The following CFD variants were observed in gnomAD, a reference collection of about 807,000 sequenced individuals.
CFD encodes complement factor D.
In CFD, 24 loss-of-function variants were observed where a neutral mutation model predicts 21.1. The observed-to-expected ratio is 1.14, with a 90% confidence interval of 0.82 to 1.60. The LOEUF is 1.60. CFD is among the 40% of genes most tolerant of loss of function. The pLI, the probability that CFD is intolerant of heterozygous loss-of-function variation, is 0.00. For synonymous variants in CFD, 242 were observed against 175.9 expected, an observed-to-expected ratio of 1.38 and a Z score of -2.97; for missense variants, 535 against 383.3, an observed-to-expected ratio of 1.40 and a Z score of -3.31.
Position 861,021 on chromosome 19 carries a change from C to A in CFD, c.357+16C>A, listed in dbSNP as rs116135466. 5.7e-3 allele frequency: 9,095 copies of A among 1,595,518 alleles called. 434 individuals carry two copies. The African/African-American group carries it at 0.096, about 17-fold the overall frequency. On this transcript the variant is annotated intron_variant, in intron 3 of 4. Transcript: ENST00000327726. ...GCTGCTACAGGTCGGCCCCGTGTAG[C>A]GCAGTCCCTCCTGCGGCGCTGGGAT...
At position 861,968 on chromosome 19, in the gene CFD, G is replaced by A; in HGVS notation, c.615+12G>A. 6.5e-7 allele frequency: 1 copy of A among 1,538,104 alleles called. No individual in the cohort carries two copies. Among genetic ancestry groups the A allele is most frequent in the Non-Finnish European group, 8.7e-7 (1 of 1,148,620 alleles). On this transcript the variant is annotated intron_variant, in intron 4 of 4. Coordinates refer to ENST00000327726, the MANE Select transcript of CFD (RefSeq NM_001928.4). Reference sequence around the variant, plus strand: ...GGGACAGCTGCAAGGTGAGCCTTCAGGCCTGGGAGGAGACGCGGGGCCTGC... The same window carrying A: ...GGGACAGCTGCAAGGTGAGCCTTCAAGCCTGGGAGGAGACGCGGGGCCTGC...
Position 861,009 on chromosome 19 carries a change from G to C in CFD, c.357+4G>C, listed in dbSNP as rs1394311747. 25 of 1,597,302 alleles carry C rather than the reference G, an allele frequency of 1.6e-5. No homozygotes were observed. Among genetic ancestry groups the C allele is most frequent in the Non-Finnish European group, 2.1e-5 (25 of 1,179,230 alleles). The stretch of plus-strand genomic sequence containing the variant: ...CCACGACCTCCTGCTGCTACAGGTC[G>C]GCCCCGTGTAGCGCAGTCCCTCCTG... On this transcript the variant is annotated splice_donor_region_variant and intron_variant, in intron 3 of 4. Transcript: ENST00000327726.
At chr19:860,589 C>G (rs889406503) in intron 1 of CFD, 28 bp from the exon 2 acceptor site, 2 of 1,404,086 alleles carry the variant, frequency 1.4e-6, no homozygotes, top group Non-Finnish European at 1.8e-6. Flanking sequence ...GTCCACCCCG[C>G]GGCCCTCACG....
At chr19:861,189 C>A (rs1346437729) in intron 3 of CFD, among the ~76,000 whole-genome samples, 184 bp downstream of exon 3, 1 of 121,678 alleles carries the variant, frequency 8.2e-6, no homozygotes, top group East Asian at 2.5e-4. Context: ...CGCTCGGAGC[C>A]CCCCCACCCT....
intron 4 of CFD, 104 bp downstream of exon 4, chr19:862,060 G>C: frequency 6.9e-7 from 1 of 1,449,714 alleles, no homozygotes; most frequent in South Asian, 1.4e-5. Flanking sequence ...GCCCAGGGAA[G>C]GGGCGGGGCG....
rs934224718 is a variant in CFD, at chr19:859,805, C to G, written c.55+61C>G. 1.4e-5 allele frequency: 19 copies of G among 1,338,438 alleles called. 1 individual carries two copies. In the African/African-American group the frequency reaches 2.0e-4, roughly 14 times the overall value. The allele number at this position is 1,338,438 out of a possible 1,614,324, so 82.9% of individuals were successfully genotyped here. ...TGTGTAGGGGCGTGGTGCTCCCTTC[C>G]GTCACACGGACGGTCCTCCAGCCCC... On this transcript the variant is annotated intron_variant, in intron 1 of 4. Coordinates refer to ENST00000327726, the MANE Select transcript of CFD (RefSeq NM_001928.4).
chr19:860,759 C>G lies in CFD; in HGVS notation c.198C>G (p.His66Gln), dbSNP rs746251270. 6.4e-7 allele frequency: 1 copy of G among 1,567,430 alleles called. No individual in the cohort carries two copies. Among genetic ancestry groups the G allele is most frequent in the South Asian group, 1.1e-5 (1 of 87,440 alleles). Reference sequence around the variant, plus strand: ...AGCAGTGGGTGCTGAGCGCGGCGCACTGCCTGGAGGACGCGTGAGTGCCCG... The same window carrying G: ...AGCAGTGGGTGCTGAGCGCGGCGCAGTGCCTGGAGGACGCGTGAGTGCCCG... ...VAEQWVLSAA[H>Q]CLEDAADGKV... Residue 66 changes from histidine to glutamine, a missense_variant, in exon 2 of 5, where the codon CAC (histidine) becomes CAG (glutamine). His to Gln is a conservative substitution (Grantham distance 24, BLOSUM62 0). Coordinates refer to ENST00000327726, the MANE Select transcript of CFD (RefSeq NM_001928.4).
At chr19:860,589 C>A (rs889406503) in intron 1 of CFD, 28 bp from the exon 2 acceptor site, 1 of 1,404,194 alleles carries the variant, frequency 7.1e-7, no homozygotes, top group Non-Finnish European at 9.2e-7. Context: ...GTCCACCCCG[C>A]GGCCCTCACG....
At chr19:862,997 T>G (rs1475261027) in intron 4 of CFD, 95 bp from the exon 5 acceptor site, 6 of 1,211,952 alleles carry the variant, frequency 5.0e-6, no homozygotes, top group African/African-American at 1.5e-5. Context: ...TGAGCGAGCA[T>G]TGTGGGGCGG....
chr19:862,189 T>A, intron 4 of CFD, among the ~76,000 whole-genome samples: 1 of 103,200 alleles, frequency 9.7e-6, no homozygotes, highest in Non-Finnish European at 2.0e-5. Context: ...CTGGAGAAGG[T>A]ACGGGGCCTC....
chr19:862,912 C>T (rs3826945), intron 4 of CFD, among the ~76,000 whole-genome samples, 180 bp from the exon 5 acceptor site: 106,849 of 150,240 alleles, frequency 0.71, 38,690 homozygotes, highest in African/African-American at 0.84. Flanking sequence ...AGGGGCGTGG[C>T]TTGTGGTTGT....
chr19:859,790 C>G (rs1320267854), intron 1 of CFD, 46 bp downstream of exon 1: 2 of 1,437,276 alleles, frequency 1.4e-6, no homozygotes, highest in Non-Finnish European at 1.9e-6. Flanking sequence ...TGTGTAGGGG[C>G]GTGGTGCTCC....
At chr19:862,019 G>C (rs1482382392) in intron 4 of CFD, 63 bp downstream of exon 4, 3 of 1,502,530 alleles carry the variant, frequency 2.0e-6, no homozygotes, top group East Asian at 2.5e-5. Context: ...CCTGCAGAGG[G>C]AGCGCGAAGC....
rs749867848 is a variant in CFD, at chr19:861,751, G to A, written c.410G>A (p.Arg137His). Residue 137 changes from arginine to histidine, a missense_variant, in exon 4 of 5, where the codon CGC becomes CAC. By Grantham distance (29) the Arg-to-His change is conservative (BLOSUM62 0). Transcript: ENST00000327726. ...GPAVRPLPWQ[R>H]VDRDVAPGTL... ...GCTGTGCGCCCCCTGCCCTGGCAGC[G>A]CGTGGACCGCGACGTGGCACCGGGA... 11 of 1,605,250 alleles carry A rather than the reference G, an allele frequency of 6.9e-6. No individual in the cohort carries two copies. The highest frequency in any genetic ancestry group is 4.0e-5 in the African/African-American group (3 of 74,758).
chr19:861,403 C>T, intron 3 of CFD, among the ~76,000 whole-genome samples: 1 of 126,924 alleles, frequency 7.9e-6, no homozygotes, highest in Non-Finnish European at 1.8e-5. Flanking sequence ...CGCACCCTCA[C>T]CCCGGGTCTA....
chr19:860,691 C>G lies in CFD; in HGVS notation c.130C>G (p.Gln44Glu), dbSNP rs1490896667. 6.5e-7 allele frequency: 1 copy of G among 1,549,010 alleles called. No homozygotes were observed. The highest frequency in any genetic ancestry group is 2.4e-5 in the East Asian group (1 of 41,272). The change falls in exon 2 of 5, where the codon CAG becomes GAG. Residue 44 changes from glutamine (Q) to glutamate (E), a missense_variant. Coordinates refer to ENST00000327726, the MANE Select transcript of CFD (RefSeq NM_001928.4). Reference sequence around the variant, plus strand: ...CGCGCGGCCCTACATGGCGTCGGTGCAGCTGAACGGCGCGCACCTGTGCGG... The same window carrying G: ...CGCGCGGCCCTACATGGCGTCGGTGGAGCTGAACGGCGCGCACCTGTGCGG... ...AHARPYMASV[Q>E]LNGAHLCGGV...
chr19:862,942 G>C, intron 4 of CFD, 150 bp from the exon 5 acceptor site: 1 of 769,690 alleles, frequency 1.3e-6, no homozygotes, highest in South Asian at 1.8e-5. Context: ...GATAGGCGTG[G>C]CGCGGGGCTA....
intron 3 of CFD, 128 bp from the exon 4 acceptor site, chr19:861,571 C>T (rs2035794265): frequency 5.2e-6 from 6 of 1,155,728 alleles, no homozygotes; most frequent in Non-Finnish European, 7.4e-6. Context: ...TAAATCTCTC[C>T]TGCTGCACTG....
chr19:860,989 A>G lies in CFD; in HGVS notation c.341A>G (p.Asp114Gly). The change falls in exon 3 of 5, where the codon GAC becomes GGC. Residue 114 changes from aspartate (D) to glycine (G), a missense_variant. Coordinates refer to ENST00000327726, the MANE Select transcript of CFD (RefSeq NM_001928.4). The stretch of plus-strand genomic sequence containing the variant: ...AGCCAGCCCGACACCATCGACCACG[A>G]CCTCCTGCTGCTACAGGTCGGCCCC... Reference protein sequence around the residue: ...PDSQPDTIDHDLLLLQLSEKA... With the variant: ...PDSQPDTIDHGLLLLQLSEKA... 1 of 1,597,842 alleles carries G rather than the reference A, an allele frequency of 6.3e-7. No individual in the cohort carries two copies. Among genetic ancestry groups the G allele is most frequent in the East Asian group, 2.2e-5 (1 of 44,736 alleles).
Sources: gnomAD v4.1 joint callset for allele counts (sites outside exome capture counted in the v4.1 genomes callset) on GRCh38, gnomAD v4.1.1 for gene constraint, MANE v1.5 for transcripts, NCBI Gene and HGNC (gene_info 2026-07-23, HGNC 2026-07-21) for gene names.